Variants in HNF4A observed in about 807,000 individuals in gnomAD.
HNF4A encodes the protein hepatocyte nuclear factor 4-alpha.
In HNF4A, 15 loss-of-function variants were observed where a neutral mutation model predicts 52.4. The observed-to-expected ratio is 0.29, with a 90% CI of 0.19 to 0.44. The LOEUF (loss-of-function observed/expected upper bound fraction) is 0.44, where lower values mean the gene tolerates loss of function less well. Among genes scored for constraint, HNF4A ranks in the 20% least tolerant of loss-of-function variants. HNF4A has a pLI of 1.00. For synonymous variants in HNF4A, 280 were observed against 264.4 expected (o/e 1.06, Z -0.57); for missense variants, 479 against 647.2 (o/e 0.74, Z 2.82).
intron 7 of HNF4A, among the ~76,000 whole-genome samples, chr20:44,420,789 G>A (rs2063733763): frequency 1.3e-5 from 2 of 152,164 alleles, no homozygotes; most frequent in Non-Finnish European, 2.9e-5. Context: ...CTGCACTCCA[G>A]TCTGGGTGAC....
At chr20:44,358,614 AAAAAC>A (rs2062884504) in intron 1 of HNF4A, among the ~76,000 whole-genome samples, 1 of 146,466 alleles carries the variant, frequency 6.8e-6, no homozygotes, top group Non-Finnish European at 1.5e-5. Context: ...CTATCTCAAA[AAAAAC>A]AAAACAAAAC....
chr20:44,414,289 G>A (rs560068615), intron 4 of HNF4A, among the ~76,000 whole-genome samples: 168 of 152,270 alleles, frequency 1.1e-3, no homozygotes, highest in Non-Finnish European at 1.3e-3. Flanking sequence ...AGGGGGCAGG[G>A]GGCAGGTAAC....
chr20:44,409,609 C>T (rs6031587), intron 3 of HNF4A, among the ~76,000 whole-genome samples: 15,557 of 152,226 alleles, frequency 0.1, 1,630 homozygotes, highest in East Asian at 0.51. Context: ...TGGCCTGGTC[C>T]TGCGTGTGGT....
At position 44,386,406 on chromosome 20, in the gene HNF4A, G is replaced by A. The variant is rs916655538; in HGVS notation, c.50-19652G>A. On this transcript the variant is annotated intron_variant, in intron 1 of 9. Coordinates refer to the HNF4A transcript ENST00000316673. ...GGTCTCGAACTCCTGAACTCAAGTG[G>A]TCCACCTGCCTCAGCCTCCCGAAGT... Among the ~76,000 whole-genome samples, 16 of 151,406 alleles carry A rather than the reference G, an allele frequency of 1.1e-4. 1 individual carries two copies. Among genetic ancestry groups the A allele is most frequent in the African/African-American group, 3.9e-4 (16 of 41,178 alleles).
rs1369173102 is a variant in HNF4A at position 44,366,033 on chromosome 20, C to T, written c.49+10180C>T. On this transcript the variant is annotated intron_variant, in intron 1 of 9. Transcript: ENST00000316673. ...TTGGGAGGTCAAGGCAGAAAAATTGCCACCACACCTGGACTTAAAAAATAT... is the reference window on the plus strand; with the variant it reads ...TTGGGAGGTCAAGGCAGAAAAATTGTCACCACACCTGGACTTAAAAAATAT... Among the ~76,000 whole-genome samples, 10 of 152,138 alleles carry T rather than the reference C, an allele frequency of 6.6e-5. No individual in the cohort carries two copies. In the East Asian group the frequency reaches 1.4e-3, roughly 21 times the overall value.
intron 8 of HNF4A, chr20:44,424,588 T>G (rs1212669263): frequency 7.2e-7 from 1 of 1,396,352 alleles, no homozygotes; most frequent in Non-Finnish European, 9.4e-7. Flanking sequence ...TGTGCGTGCA[T>G]GTGTATATAA....
At position 44,423,987 on chromosome 20, in the gene HNF4A, G is replaced by A. The variant is rs1169007708; in HGVS notation, c.893-31G>A. 3 of 1,609,300 alleles carry A rather than the reference G, an allele frequency of 1.9e-6. No homozygotes were observed. In the South Asian group the frequency reaches 3.3e-5, roughly 18 times the overall value. ...CCAGATGCTCCAGCTGGACCCTGCT[G>A]CCCTCCCTTGCCCACCCTCTTCCAT... On this transcript the variant is annotated intron_variant, in intron 7 of 9. Coordinates refer to ENST00000316099, the MANE Select transcript of HNF4A (RefSeq NM_000457.6).
rs2062888463 is a variant in HNF4A, at chr20:44,358,874, T to A, written c.49+3021T>A. On this transcript the variant is annotated intron_variant, in intron 1 of 9. Transcript: ENST00000316673. ...GCAAGAAATCCTCGTTGTGGTTTCA[T>A]GTTTTTGAGCTTTAGCAGGATTCTA... is the stretch of plus-strand genomic sequence containing the variant. Among the ~76,000 whole-genome samples the A allele has an allele frequency of 3.3e-5, 5 of 152,242 alleles. No homozygotes were observed. The South Asian group carries it at 1.0e-3, about 32-fold the overall frequency.
intron 1 of HNF4A, among the ~76,000 whole-genome samples, chr20:44,366,959 C>T (rs2062975795): frequency 1.3e-5 from 2 of 152,148 alleles, no homozygotes; most frequent in South Asian, 2.1e-4. Context: ...ATCTGGGACC[C>T]GGCTCATTTG....
chr20:44,411,150 C>T (rs550065347), intron 3 of HNF4A, among the ~76,000 whole-genome samples: 2 of 152,246 alleles, frequency 1.3e-5, no homozygotes, highest in African/African-American at 4.8e-5. Flanking sequence ...AGAAAGCGGA[C>T]CCAGAGTTGC....
At chr20:44,428,609 G>A in intron 9 of HNF4A, 122 bp downstream of exon 9, 1 of 904,490 alleles carries the variant, frequency 1.1e-6, no homozygotes, top group Non-Finnish European at 1.8e-6. Context: ...TTCCAGGGTA[G>A]GGAATAAAGG....
chr20:44,428,002 C>T (rs775143706), intron 8 of HNF4A, among the ~76,000 whole-genome samples: 36 of 152,180 alleles, frequency 2.4e-4, no homozygotes, highest in Non-Finnish European at 4.9e-4. Flanking sequence ...CTCCAAGGAG[C>T]TTTGAGAGCC....
Position 44,402,538 on chromosome 20 carries a change from G to A in HNF4A, c.115+1051G>A, listed in dbSNP as rs754271243. 22 of 1,358,310 alleles carry A rather than the reference G, an allele frequency of 1.6e-5. No homozygotes were observed. The South Asian group carries it at 1.7e-4, about 11-fold the overall frequency. The allele number at this position is 1,358,310 out of a possible 1,614,324, so 84.1% of individuals were successfully genotyped here. A position where few individuals can be genotyped will look rare whatever the true frequency, so the allele number is the denominator to read the frequency against. On this transcript the variant is annotated intron_variant, in intron 1 of 9. Transcript: ENST00000316099. ...TGAGATTCATATCAGCAACATGTCC[G>A]TTTGTCTCTGAGCAGATTTTGTTGC...
At chr20:44,415,324 A>G (rs958172137) in intron 5 of HNF4A, among the ~76,000 whole-genome samples, 12 of 152,162 alleles carry the variant, frequency 7.9e-5, no homozygotes, top group Non-Finnish European at 1.5e-4. Context: ...TCCCACCAAA[A>G]CGATTGAACT....
At chr20:44,413,645 C>G in intron 3 of HNF4A, 49 bp from the exon 4 acceptor site, 2 of 1,393,250 alleles carry the variant, frequency 1.4e-6, no homozygotes, top group Non-Finnish European at 2.0e-6. Flanking sequence ...ACCCCCACCC[C>G]CTACTCCATC....
chr20:44,413,746 C>A lies in HNF4A; in HGVS notation c.438C>A (p.Asp146Glu). 6.2e-7 allele frequency: 1 copy of A among 1,613,972 alleles called. No individual in the cohort carries two copies. The highest frequency in any genetic ancestry group is 1.7e-5 in the Admixed American group (1 of 60,016). ...GCACTCGAAGGTCAAGCTATGAGGA[C>A]AGCAGCCTGCCCTCCATCAATGCGC... The change falls in exon 4 of 10, where the codon GAC becomes GAA. Residue 146 changes from aspartate to glutamate, a missense_variant. Coordinates refer to ENST00000316099, the MANE Select transcript of HNF4A (RefSeq NM_000457.6).
chr20:44,425,930 G>C (rs1477061943), intron 8 of HNF4A, among the ~76,000 whole-genome samples: 1 of 152,044 alleles, frequency 6.6e-6, no homozygotes, highest in Non-Finnish European at 1.5e-5. Context: ...AAAGTGCTGG[G>C]ATTACAGGTG....
chr20:44,391,837 A>G (rs541020950), intron 1 of HNF4A, among the ~76,000 whole-genome samples: 27 of 152,348 alleles, frequency 1.8e-4, no homozygotes, highest in African/African-American at 4.8e-4. Flanking sequence ...GGTTCCCCAT[A>G]GTGAGGAAGT....
At chr20:44,368,677 TG>T (rs750512743) in intron 1 of HNF4A, among the ~76,000 whole-genome samples, 6 of 152,182 alleles carry the variant, frequency 3.9e-5, no homozygotes, top group Non-Finnish European at 8.8e-5. Flanking sequence ...TAGTATGTAT[TG>T]TTAATGATAT....
Sources: gnomAD v4.1 joint callset for allele counts (sites outside exome capture counted in the v4.1 genomes callset) on GRCh38, gnomAD v4.1.1 for gene constraint, MANE v1.5 for transcripts, NCBI Gene and HGNC (gene_info 2026-07-23, HGNC 2026-07-21) for gene names.